The following LDLRAD4 variants were observed in gnomAD, a reference collection of about 807,000 sequenced individuals.
LDLRAD4 encodes low density lipoprotein receptor class A domain containing 4.
LDLRAD4 carries 5 observed loss-of-function variants against 17.0 expected under a neutral mutation model. The ratio of observed to expected loss-of-function variants is 0.29; its 90% CI spans 0.15 to 0.62. The LOEUF (loss-of-function observed/expected upper bound fraction) is 0.62. LDLRAD4 is among the 20% of genes least tolerant of loss of function. LDLRAD4 has a pLI of 0.84. For synonymous variants in LDLRAD4, 168 were observed against 171.8 expected, an observed-to-expected ratio of 0.98 and a Z score of 0.17; for missense variants, 340 against 424.7, an observed-to-expected ratio of 0.80 and a Z score of 1.75.
At chr18:13,558,368 C>T (rs374157294) in intron 3 of LDLRAD4, among the ~76,000 whole-genome samples, 12 of 152,290 alleles carry the variant, frequency 7.9e-5, no homozygotes, top group Non-Finnish European at 1.6e-4. Context: ...TTCCCCTATT[C>T]GTACCCGACT....
intron 3 of LDLRAD4, among the ~76,000 whole-genome samples, chr18:13,446,891 G>A (rs1187510602): frequency 6.6e-6 from 1 of 151,810 alleles, no homozygotes; most frequent in African/African-American, 2.4e-5. Context: ...GAGGGGTGGG[G>A]CCTGCCTCGG....
intron 1 of LDLRAD4, among the ~76,000 whole-genome samples, chr18:13,257,350 A>T (rs2043562514): frequency 2.0e-5 from 3 of 152,188 alleles, no homozygotes; most frequent in Admixed American, 1.3e-4. Context: ...CATTCTTTTG[A>T]TGGCTGGGAC....
intron 3 of LDLRAD4, among the ~76,000 whole-genome samples, chr18:13,555,763 G>A (rs940213939): frequency 1.3e-5 from 2 of 152,168 alleles, no homozygotes; most frequent in African/African-American, 4.8e-5. Flanking sequence ...AACTGCAGAT[G>A]GAAAGAAGTT....
At chr18:13,608,536 C>T (rs190318841) in intron 3 of LDLRAD4, among the ~76,000 whole-genome samples, 2 of 152,300 alleles carry the variant, frequency 1.3e-5, no homozygotes, top group African/African-American at 4.8e-5. Flanking sequence ...GAGCTACTAA[C>T]TTACCATACT....
rs1405956652 is a variant in LDLRAD4, at chr18:13,621,821, CTTGTCGGCGGTAGGG to C, written c.336+562_336+576del. Reference sequence around the variant, plus strand: ...TGGCGGTGGGCTTGTCAGCGGTGGGCTTGTCGGCGGTAGGGTTGTCGGCGGTGGGTTGTGGAGGGT... The same window carrying C: ...TGGCGGTGGGCTTGTCAGCGGTGGGCTTGTCGGCGGTGGGTTGTGGAGGGT... On this transcript the variant is annotated intron_variant, in intron 4 of 5. Coordinates refer to ENST00000359446, the Ensembl canonical transcript of LDLRAD4. The surrounding 1 kb of genome is among the most constrained non-coding windows in gnomAD (Gnocchi z 5.5). 2.1e-5 allele frequency among the ~76,000 whole-genome samples: 3 copies of C among 143,754 alleles called. No homozygotes were observed. Among genetic ancestry groups the C allele is most frequent in the South Asian group, 2.4e-4 (1 of 4,172 alleles). The allele number at this position is 143,754 out of a possible 152,430, so 94.3% of individuals were successfully genotyped here.
chr18:13,573,923 A>G (rs2094728894), intron 3 of LDLRAD4, among the ~76,000 whole-genome samples: 1 of 152,126 alleles, frequency 6.6e-6, no homozygotes, highest in South Asian at 2.1e-4. Flanking sequence ...CCATCTCCGC[A>G]TTTCCTGGTC....
chr18:13,334,054 A>G (rs2081990463), intron 1 of LDLRAD4, among the ~76,000 whole-genome samples: 1 of 152,154 alleles, frequency 6.6e-6, no homozygotes. Context: ...CTGTCCATTT[A>G]TGTAGTTCCT....
intron 3 of LDLRAD4, among the ~76,000 whole-genome samples, chr18:13,599,916 G>T (rs773918452): frequency 2.6e-5 from 4 of 152,118 alleles, no homozygotes; most frequent in Non-Finnish European, 5.9e-5. Flanking sequence ...TTTTAAATGA[G>T]CAAAAGAAAG....
At chr18:13,607,953 A>G (rs1227212611) in intron 3 of LDLRAD4, among the ~76,000 whole-genome samples, 2 of 152,238 alleles carry the variant, frequency 1.3e-5, no homozygotes, top group African/African-American at 4.8e-5. Flanking sequence ...TCCTTTGGGT[A>G]TATACCCAGT....
chr18:13,228,825 G>A (rs1319719984), intron 1 of LDLRAD4, among the ~76,000 whole-genome samples: 1 of 152,142 alleles, frequency 6.6e-6, no homozygotes, highest in Non-Finnish European at 1.5e-5. Context: ...GAAGAGTAAT[G>A]TAAAAATAAT....
chr18:13,559,525 CAT>C (rs1411362592), intron 3 of LDLRAD4, among the ~76,000 whole-genome samples: 7 of 152,096 alleles, frequency 4.6e-5, no homozygotes, highest in East Asian at 3.9e-4. Context: ...GGGTATGTAT[CAT>C]ATATATGTGT....
intron 1 of LDLRAD4, among the ~76,000 whole-genome samples, chr18:13,359,973 A>G (rs1361824068): frequency 6.6e-6 from 1 of 152,216 alleles, no homozygotes; most frequent in Non-Finnish European, 1.5e-5. Flanking sequence ...GTTTCTAGCA[A>G]TCTTTGGCTT....
At chr18:13,321,754 G>A (rs1043440194) in intron 1 of LDLRAD4, among the ~76,000 whole-genome samples, 1 of 151,134 alleles carries the variant, frequency 6.6e-6, no homozygotes, top group Non-Finnish European at 1.5e-5. Flanking sequence ...TCAGCTGCTC[G>A]GGAGGCTGAG....
chr18:13,291,531 C>T (rs1294328266), intron 1 of LDLRAD4, among the ~76,000 whole-genome samples: 1 of 152,014 alleles, frequency 6.6e-6, no homozygotes, highest in Non-Finnish European at 1.5e-5. Context: ...TGGCCGGGTC[C>T]CTGGGTGTCT....
chr18:13,462,897 C>CA (rs2092480329), intron 3 of LDLRAD4, among the ~76,000 whole-genome samples: 1 of 152,172 alleles, frequency 6.6e-6, no homozygotes, highest in African/African-American at 2.4e-5. Flanking sequence ...AGTATACTCT[C>CA]ACGCGGAGAT....
intron 2 of LDLRAD4, among the ~76,000 whole-genome samples, chr18:13,391,111 T>C (rs556478642): frequency 2.7e-4 from 41 of 152,334 alleles, no homozygotes; most frequent in African/African-American, 9.9e-4. Context: ...TCTGGGCTAA[T>C]AGAAAGGAGT....
chr18:13,620,860 G>C (rs1007859068), intron 3 of LDLRAD4: 13 of 536,996 alleles, frequency 2.4e-5, no homozygotes, highest in African/African-American at 1.9e-4. Context: ...TCAGTTTGTG[G>C]AGACGTTCTC....
At chr18:13,311,484 G>A (rs1285229311) in intron 1 of LDLRAD4, among the ~76,000 whole-genome samples, 1 of 152,248 alleles carries the variant, frequency 6.6e-6, no homozygotes, top group East Asian at 1.9e-4. Context: ...GACACTGCTG[G>A]ACACCTCTCA....
chr18:13,632,062 A>C (rs1395676243), intron 4 of LDLRAD4, among the ~76,000 whole-genome samples: 1 of 152,282 alleles, frequency 6.6e-6, no homozygotes, highest in African/African-American at 2.4e-5. Context: ...CATACACTAC[A>C]TTAACAGAAT....
Sources: gnomAD v4.1 joint callset for allele counts (sites outside exome capture counted in the v4.1 genomes callset) on GRCh38, gnomAD v4.1.1 for gene constraint, Gnocchi (gnomAD v3.1) non-coding constraint, MANE v1.5 for transcripts, NCBI Gene and HGNC (gene_info 2026-07-23, HGNC 2026-07-21) for gene names.